The following FRAS1 variants were observed in gnomAD, a reference collection of about 807,000 sequenced individuals.
FRAS1 encodes the protein extracellular matrix organizing protein FRAS1.
In FRAS1, 290 loss-of-function variants were observed where a neutral mutation model predicts 435.2. The observed-to-expected ratio is 0.67, with a 90% CI of 0.61 to 0.73. The LOEUF is 0.73. Ranked by LOEUF, FRAS1 falls within the 30% of genes least tolerant of loss-of-function variation. The pLI, the probability that FRAS1 is intolerant of heterozygous loss-of-function variation, is 0.00. For missense variants in FRAS1, 4,860 were observed against 5,001.5 expected (o/e 0.97, Z 0.85); for synonymous variants, 1,800 against 1,851.0 (o/e 0.97, Z 0.71).
In FRAS1 at chr4:78,257,888, C is replaced by A. The variant is rs771916323; in HGVS notation, c.603+2513C>A. Among the ~76,000 whole-genome samples the A allele has an allele frequency of 3.4e-4, 52 of 152,262 alleles. 1 individual carries two copies. The highest frequency in any genetic ancestry group is 3.4e-3 in the Middle Eastern group (1 of 294). Reference sequence around the variant, plus strand: ...AACTTTTGTCCAGATTCTTTGTAAACAGAGCCATAACCATAACCCTTCCAC... The same window carrying A: ...AACTTTTGTCCAGATTCTTTGTAAAAAGAGCCATAACCATAACCCTTCCAC... On this transcript the variant is annotated intron_variant, in intron 6 of 73. Coordinates refer to ENST00000512123, the MANE Select transcript of FRAS1 (RefSeq NM_025074.7).
chr4:78,445,932 T>A, intron 42 of FRAS1: 1 of 1,319,442 alleles, frequency 7.6e-7, no homozygotes, highest in Non-Finnish European at 9.6e-7. Context: ...CAGGATTGAA[T>A]TTATTTGTTC....
rs762177477 is a variant in FRAS1, at chr4:78,379,984, A to G, written c.3551A>G (p.Lys1184Arg). The G allele has an allele frequency of 1.2e-6, 2 of 1,611,860 alleles. No homozygotes were observed. The highest frequency in any genetic ancestry group is 4.5e-5 in the East Asian group (2 of 44,866). The change falls in exon 27 of 74, where the codon AAA becomes AGA. Residue 1184 changes from lysine (K) to arginine (R), a missense_variant. Transcript: ENST00000512123. ...AAGAAAGTGCGTTTTGTGCACAGCA[A>G]AGAAAAACTCAGGTGACTCTGTGTT... ...NEKKVRFVHS[K>R]EKLRKGYLFL... is the part of the protein sequence containing the mutation.
At chr4:78,247,654 T>C (rs1322107807) in intron 4 of FRAS1, among the ~76,000 whole-genome samples, 1 of 152,104 alleles carries the variant, frequency 6.6e-6, no homozygotes, top group Admixed American at 6.6e-5. Flanking sequence ...TCACTAGTTT[T>C]GTTTGTTTAT....
intron 9 of FRAS1, among the ~76,000 whole-genome samples, chr4:78,271,211 T>C (rs1002720197): frequency 6.6e-6 from 1 of 152,230 alleles, no homozygotes; most frequent in Admixed American, 6.5e-5. Flanking sequence ...ACATGGTTTC[T>C]ACACTTTTAA....
chr4:78,227,255 C>T (rs558735950), intron 2 of FRAS1, among the ~76,000 whole-genome samples: 6 of 152,266 alleles, frequency 3.9e-5, no homozygotes, highest in Non-Finnish European at 8.8e-5. Flanking sequence ...ACATGAATGT[C>T]TGGACATTTG....
chr4:78,090,154 G>A (rs1266004257), intron 2 of FRAS1, among the ~76,000 whole-genome samples: 1 of 152,172 alleles, frequency 6.6e-6, no homozygotes, highest in Non-Finnish European at 1.5e-5. Flanking sequence ...ATGTGCATAG[G>A]CTGGAAAGAG....
chr4:78,441,274 G>A lies in FRAS1; in HGVS notation c.5642G>A (p.Gly1881Asp). 1.2e-6 allele frequency: 2 copies of A among 1,612,848 alleles called. No homozygotes were observed. The highest frequency in any genetic ancestry group is 1.1e-5 in the South Asian group (1 of 90,740). ...AAACTAAGTGCTCTGCCCAAATATG[G>A]CTGCATTGAGAACACAGGAACAGGT... The part of the protein sequence containing the change: ...IIKLSALPKY[G>D]CIENTGTGDR... The change falls in exon 41 of 74, where the codon GGC becomes GAC. Residue 1881 changes from glycine (G) to aspartate (D), a missense_variant. Gly to Asp is a moderately conservative substitution (Grantham distance 94). Coordinates refer to ENST00000512123, the MANE Select transcript of FRAS1 (RefSeq NM_025074.7).
chr4:78,511,671 C>A, intron 64 of FRAS1, 165 bp downstream of exon 64: 1 of 679,896 alleles, frequency 1.5e-6, no homozygotes, highest in South Asian at 1.5e-5. Context: ...AAGCTCGGGC[C>A]CCCTGCCTAT....
chr4:78,114,296 T>C (rs1742974323), intron 2 of FRAS1, among the ~76,000 whole-genome samples: 1 of 152,226 alleles, frequency 6.6e-6, no homozygotes, highest in Non-Finnish European at 1.5e-5. Flanking sequence ...GGCTTAGGAT[T>C]GACTTGGCAA....
At chr4:78,499,217 G>C (rs1055790702) in intron 60 of FRAS1, among the ~76,000 whole-genome samples, 7 of 152,208 alleles carry the variant, frequency 4.6e-5, no homozygotes, top group African/African-American at 1.7e-4. Context: ...AGAGCACTAA[G>C]AGGAGGGGGT....
At chr4:78,234,330 A>G (rs1378387730) in intron 2 of FRAS1, among the ~76,000 whole-genome samples, 1 of 151,904 alleles carries the variant, frequency 6.6e-6, no homozygotes, top group Non-Finnish European at 1.5e-5. Flanking sequence ...GGTTCACGCC[A>G]TTCTCCTGCC....
chr4:78,432,866 C>T (rs766205115), intron 38 of FRAS1, among the ~76,000 whole-genome samples: 14 of 152,026 alleles, frequency 9.2e-5, no homozygotes, highest in Non-Finnish European at 1.6e-4. Context: ...AGAAGAGGGG[C>T]CTAGTGCCAT....
At chr4:78,091,035 T>C (rs896405022) in intron 2 of FRAS1, among the ~76,000 whole-genome samples, 4 of 152,196 alleles carry the variant, frequency 2.6e-5, no homozygotes, top group Non-Finnish European at 5.9e-5. Flanking sequence ...ATTTTAGCAG[T>C]TAAAGATTAT....
chr4:78,429,588 A>T (rs1457580182), intron 36 of FRAS1, among the ~76,000 whole-genome samples: 1 of 152,180 alleles, frequency 6.6e-6, no homozygotes, highest in Non-Finnish European at 1.5e-5. Context: ...GTAGCAGGAG[A>T]AATGTCAGGT....
chr4:78,275,458 G>T (rs1726956982), intron 9 of FRAS1, among the ~76,000 whole-genome samples: 2 of 152,154 alleles, frequency 1.3e-5, no homozygotes, highest in Non-Finnish European at 2.9e-5. Flanking sequence ...GGCACCGGTT[G>T]TTCCTTTCCA....
intron 2 of FRAS1, among the ~76,000 whole-genome samples, chr4:78,069,582 G>GC (rs1740232123): frequency 7.0e-6 from 1 of 142,114 alleles, no homozygotes; most frequent in East Asian, 2.1e-4. Flanking sequence ...ACCTCTTATT[G>GC]CCCCGATGTG....
intron 2 of FRAS1, among the ~76,000 whole-genome samples, chr4:78,236,542 G>T (rs17003069): frequency 0.021 from 3,152 of 152,174 alleles, 85 homozygotes; most frequent in African/African-American, 0.057. Flanking sequence ...ATAGGAATTT[G>T]GGCTAGGAAA....
At chr4:78,179,631 G>T (rs560245763) in intron 2 of FRAS1, among the ~76,000 whole-genome samples, 1 of 152,296 alleles carries the variant, frequency 6.6e-6, no homozygotes, top group East Asian at 1.9e-4. Context: ...GGGATTCCAG[G>T]TACTTATTTC....
chr4:78,256,275 A>G (rs777202637), intron 6 of FRAS1, among the ~76,000 whole-genome samples: 5 of 152,222 alleles, frequency 3.3e-5, no homozygotes, highest in Admixed American at 6.5e-5. Flanking sequence ...TCCACACCAC[A>G]CCAACTACTG....
Sources: gnomAD v4.1 joint callset for allele counts (sites outside exome capture counted in the v4.1 genomes callset) on GRCh38, gnomAD v4.1.1 for gene constraint, MANE v1.5 for transcripts, NCBI Gene and HGNC (gene_info 2026-07-23, HGNC 2026-07-21) for gene names.